Variants in GFRA1 observed in about 807,000 individuals in gnomAD.
GFRA1 encodes the protein GDNF family receptor alpha 1.
In GFRA1, 16 loss-of-function variants were observed where a neutral mutation model predicts 51.6. The observed-to-expected ratio is 0.31, with a 90% CI of 0.21 to 0.47. The LOEUF is 0.47. GFRA1 is among the 20% of genes least tolerant of loss of function. The probability of loss-of-function intolerance (pLI) is 1.00; values close to 1 mark genes in which losing one functional copy is unlikely to be tolerated. For missense variants in GFRA1, 530 were observed against 594.3 expected (o/e 0.89, Z 1.13); for synonymous variants, 270 against 241.3 (o/e 1.12, Z -1.10).
At chr10:116,070,428 A>G (rs575404789) in intron 9 of GFRA1, among the ~76,000 whole-genome samples, 1 of 152,338 alleles carries the variant, frequency 6.6e-6, no homozygotes, top group South Asian at 2.1e-4. Flanking sequence ...GTCCAGAAGC[A>G]GAAGTCCAGA....
At chr10:116,069,572 C>T (rs539527158) in intron 9 of GFRA1, among the ~76,000 whole-genome samples, 3 of 152,306 alleles carry the variant, frequency 2.0e-5, no homozygotes, top group East Asian at 3.9e-4. Context: ...AGTCCAGGCA[C>T]GTCGCATAAA....
In GFRA1 at chr10:116,069,819, G is replaced by A. The variant is rs1004285864; in HGVS notation, c.1198-4193C>T. On this transcript the variant is annotated intron_variant, in intron 9 of 10. Coordinates refer to ENST00000355422, the MANE Select transcript of GFRA1 (RefSeq NM_005264.8). ...ATAGCTCTCAGCCCAGTCCCTACGT[G>A]GGTTCTGCCCACAGCAGGCTCTCCC... Among the ~76,000 whole-genome samples the A allele has an allele frequency of 2.0e-5, 3 of 152,158 alleles. No individual in the cohort carries two copies. In the East Asian group the frequency reaches 5.8e-4, roughly 29 times the overall value.
intron 5 of GFRA1, among the ~76,000 whole-genome samples, chr10:116,136,595 G>T (rs1235419045): frequency 2.6e-5 from 4 of 152,144 alleles, no homozygotes; most frequent in Non-Finnish European, 1.5e-5. Flanking sequence ...AAATAAAAAG[G>T]TATCCTTAAA....
chr10:116,136,008 C>T (rs1222306582), intron 5 of GFRA1, among the ~76,000 whole-genome samples: 3 of 152,074 alleles, frequency 2.0e-5, no homozygotes, highest in Admixed American at 6.5e-5. Context: ...TTTTTTCCCC[C>T]CAATCTCAGA....
intron 5 of GFRA1, among the ~76,000 whole-genome samples, chr10:116,166,985 G>A (rs1589839069): frequency 6.6e-6 from 1 of 151,408 alleles, no homozygotes; most frequent in Non-Finnish European, 1.5e-5. Context: ...ATTTTTAGTA[G>A]AGATGGGGTT....
At chr10:116,138,087 C>T (rs551743499) in intron 5 of GFRA1, among the ~76,000 whole-genome samples, 5 of 152,170 alleles carry the variant, frequency 3.3e-5, no homozygotes, top group Non-Finnish European at 7.3e-5. Context: ...AGGCCTGAGT[C>T]ACCGCGCCCG....
chr10:116,108,241 G>A lies in GFRA1; in HGVS notation c.771-11477C>T, dbSNP rs1957076159. Reference sequence around the variant, plus strand: ...ACTAGGTCATTTTTCTTTCAGGAAAGTTGTAGTAAGGTCAACAGAGACTTT... The same window carrying A: ...ACTAGGTCATTTTTCTTTCAGGAAAATTGTAGTAAGGTCAACAGAGACTTT... On this transcript the variant is annotated intron_variant, in intron 6 of 10. Transcript: ENST00000355422. Among the ~76,000 whole-genome samples, 3 of 152,160 alleles carry A rather than the reference G, an allele frequency of 2.0e-5. No individual in the cohort carries two copies. In the South Asian group the frequency reaches 6.2e-4, roughly 31 times the overall value.
intron 4 of GFRA1, among the ~76,000 whole-genome samples, chr10:116,228,960 G>A (rs1444614473): frequency 1.8e-5 from 2 of 108,356 alleles, no homozygotes; most frequent in East Asian, 6.3e-4. Context: ...CAGACTTGAT[G>A]ACAGACCAAT....
chr10:116,216,024 T>C (rs1258141946), intron 4 of GFRA1, among the ~76,000 whole-genome samples: 1 of 152,120 alleles, frequency 6.6e-6, no homozygotes, highest in East Asian at 1.9e-4. Context: ...GTCCAATTTC[T>C]TCAGTTAGGA....
At chr10:116,185,077 T>G (rs1160853884) in intron 5 of GFRA1, among the ~76,000 whole-genome samples, 1 of 152,102 alleles carries the variant, frequency 6.6e-6, no homozygotes, top group African/African-American at 2.4e-5. Flanking sequence ...AAGGAGAGAA[T>G]CTTGTTCTAG....
Position 116,063,582 on chromosome 10 carries a change from G to GT in GFRA1, c.*815dup, listed in dbSNP as rs1954929411. 2 of 152,294 alleles carry GT rather than the reference G, an allele frequency of 1.3e-5. No homozygotes were observed. Among genetic ancestry groups the GT allele is most frequent in the East Asian group, 3.9e-4 (2 of 5,184 alleles). The allele number at this position is 152,294 out of a possible 1,614,324, so 9.4% of individuals were successfully genotyped here. A position where few individuals can be genotyped will look rare whatever the true frequency, so the allele number is the denominator to read the frequency against. On this transcript the variant is annotated 3_prime_UTR_variant, in exon 11 of 11. Transcript: ENST00000355422. Reference sequence around the variant, plus strand: ...TTTTTCTACATATAACCTCATATGTGTAAAGAGTATTAGAGCGACATTTCA... The same window carrying GT: ...TTTTTCTACATATAACCTCATATGTGTTAAAGAGTATTAGAGCGACATTTCA...
At chr10:116,141,353 G>C (rs1958556615) in intron 5 of GFRA1, among the ~76,000 whole-genome samples, 1 of 152,186 alleles carries the variant, frequency 6.6e-6, no homozygotes, top group Admixed American at 6.5e-5. Context: ...AATTAGAAAT[G>C]TAAGAGGCTG....
At position 116,122,312 on chromosome 10, in the gene GFRA1, C is replaced by T. The variant is rs934925488; in HGVS notation, c.770+2909G>A. Among the ~76,000 whole-genome samples, 13 of 152,292 alleles carry T rather than the reference C, an allele frequency of 8.5e-5. 1 individual carries two copies. The highest frequency in any genetic ancestry group is 3.3e-4 in the Admixed American group (5 of 15,302). The stretch of plus-strand genomic sequence containing the variant: ...CCTTCACCCCACTGCATGGTGGCTG[C>T]TGTCCACTCCAGGAAGATCGGGCAA... On this transcript the variant is annotated intron_variant, in intron 6 of 10. Transcript: ENST00000355422.
At chr10:116,211,368 G>C (rs1053055253) in intron 5 of GFRA1, among the ~76,000 whole-genome samples, 3 of 152,156 alleles carry the variant, frequency 2.0e-5, no homozygotes, top group African/African-American at 7.2e-5. Flanking sequence ...CCCAGCCACA[G>C]ACCCCTCTCC....
chr10:116,152,591 CCGCCTGACCCAAT>C (rs1959106229), intron 5 of GFRA1, among the ~76,000 whole-genome samples: 1 of 152,160 alleles, frequency 6.6e-6, no homozygotes, highest in South Asian at 2.1e-4. Flanking sequence ...AGGGATCTGC[CCGCCTGACCCAAT>C]CACCTCCCAC....
chr10:116,147,870 A>C (rs1958877178), intron 5 of GFRA1, among the ~76,000 whole-genome samples: 1 of 151,382 alleles, frequency 6.6e-6, no homozygotes, highest in Non-Finnish European at 1.5e-5. Context: ...CTTCCGGGGG[A>C]CCCCAGTGGA....
At chr10:116,085,851 G>T (rs570561088) in intron 9 of GFRA1, among the ~76,000 whole-genome samples, 3 of 152,166 alleles carry the variant, frequency 2.0e-5, no homozygotes, top group African/African-American at 7.2e-5. Context: ...GTCTGAAGTC[G>T]GAGCTTTGCC....
intron 6 of GFRA1, among the ~76,000 whole-genome samples, chr10:116,105,016 C>T (rs958359772): frequency 2.0e-5 from 3 of 152,244 alleles, no homozygotes; most frequent in African/African-American, 4.8e-5. Flanking sequence ...TGCTGCATCA[C>T]GAAATCAAAT....
At chr10:116,271,256 C>A in intron 2 of GFRA1, 141 bp from the exon 3 acceptor site, 1 of 634,818 alleles carries the variant, frequency 1.6e-6, no homozygotes, top group South Asian at 2.0e-5. Context: ...GTCCACCTCT[C>A]GACCATCCGG....
Sources: gnomAD v4.1 joint callset for allele counts (sites outside exome capture counted in the v4.1 genomes callset) on GRCh38, gnomAD v4.1.1 for gene constraint, MANE v1.5 for transcripts, NCBI Gene and HGNC (gene_info 2026-07-23, HGNC 2026-07-21) for gene names.